The following CCDC171 variants were observed in gnomAD, a reference collection of about 807,000 sequenced individuals.
The protein encoded by CCDC171 is coiled-coil domain containing 171, also known as coiled-coil domain-containing protein 171.
CCDC171 carries 177 observed loss-of-function variants against 168.2 expected under a neutral mutation model. That is an observed-to-expected ratio of 1.05 (90% confidence interval 0.93 to 1.19). The LOEUF (loss-of-function observed/expected upper bound fraction) is 1.19. CCDC171 is among the 50% of genes most tolerant of loss of function. CCDC171 has a pLI of 0.00. For synonymous variants in CCDC171, 687 were observed against 540.8 expected, an observed-to-expected ratio of 1.27 and a Z score of -3.75; for missense variants, 1,991 against 1,539.0, an observed-to-expected ratio of 1.29 and a Z score of -4.91.
intron 24 of CCDC171, among the ~76,000 whole-genome samples, chr9:15,903,073 C>T (rs536312675): frequency 6.6e-6 from 1 of 152,348 alleles, no homozygotes; most frequent in Non-Finnish European, 1.5e-5. Context: ...CTCAAGGAAG[C>T]GTGCCTGCCT....
intron 23 of CCDC171, among the ~76,000 whole-genome samples, chr9:15,858,574 T>C (rs2061431693): frequency 6.6e-6 from 1 of 152,092 alleles, no homozygotes; most frequent in African/African-American, 2.4e-5. Context: ...TCATTTGTTG[T>C]ATTTTTAATT....
At chr9:15,785,310 T>A (rs1181371616) in intron 21 of CCDC171, among the ~76,000 whole-genome samples, 1 of 152,148 alleles carries the variant, frequency 6.6e-6, no homozygotes, top group Non-Finnish European at 1.5e-5. Context: ...GATTTTTCAC[T>A]AGTGAGATTA....
At chr9:15,915,568 A>G (rs1471457217) in intron 24 of CCDC171, among the ~76,000 whole-genome samples, 1 of 152,110 alleles carries the variant, frequency 6.6e-6, no homozygotes, top group Non-Finnish European at 1.5e-5. Context: ...GAGCAGGGAT[A>G]ATTTGACTTC....
At chr9:15,974,455 C>G (rs1371256576), downstream of CCDC171, among the ~76,000 whole-genome samples, 3 of 152,108 alleles carry the variant, frequency 2.0e-5, no homozygotes, top group Non-Finnish European at 4.4e-5. Flanking sequence ...ATAATGACTT[C>G]AAATATTTTT....
At chr9:16,078,087 C>G in the CCDC171 span, among the ~76,000 whole-genome samples, 2 of 131,270 alleles carry the variant, frequency 1.5e-5, no homozygotes, top group Non-Finnish European at 3.2e-5. Context: ...CACACACACA[C>G]ACACACACAC....
intron 9 of CCDC171, among the ~76,000 whole-genome samples, chr9:15,675,061 A>T (rs1261686948): frequency 6.6e-6 from 1 of 152,004 alleles, no homozygotes; most frequent in Non-Finnish European, 1.5e-5. Flanking sequence ...GGGCGAATAT[A>T]TATTTAGGAC....
intron 24 of CCDC171, among the ~76,000 whole-genome samples, chr9:15,905,475 G>A (rs952081698): frequency 7.2e-5 from 11 of 152,122 alleles, no homozygotes; most frequent in East Asian, 1.9e-4. Flanking sequence ...TGAAACCAAC[G>A]AGAACAAAGA....
At chr9:15,838,242 A>G (rs567878970) in intron 21 of CCDC171, among the ~76,000 whole-genome samples, 258 of 152,342 alleles carry the variant, frequency 1.7e-3, no homozygotes, top group Non-Finnish European at 2.1e-3. Context: ...GAAAACTATT[A>G]TAAGCCAGTT....
chr9:15,906,668 G>A lies in CCDC171; in HGVS notation c.3601-13602G>A, dbSNP rs1201361942. 1.3e-4 allele frequency among the ~76,000 whole-genome samples: 20 copies of A among 152,246 alleles called. No homozygotes were observed. In the South Asian group the frequency reaches 3.1e-3, roughly 24 times the overall value. On this transcript the variant is annotated intron_variant, in intron 24 of 25. Transcript: ENST00000380701. ...ATTCAACATAGTGTTGGAAGTTCTG[G>A]CCAGGGCAATCAGGCAGGAGAAGGA...
intron 14 of CCDC171, among the ~76,000 whole-genome samples, chr9:15,725,900 C>T (rs750268546): frequency 9.2e-5 from 14 of 152,132 alleles, no homozygotes; most frequent in Non-Finnish European, 1.8e-4. Context: ...GAGTTGCCTA[C>T]CCATTTATGT....
intron 11 of CCDC171, among the ~76,000 whole-genome samples, 186 bp downstream of exon 11, chr9:15,695,523 C>A (rs536601415): frequency 5.3e-5 from 8 of 152,248 alleles, no homozygotes; most frequent in African/African-American, 1.4e-4. Context: ...GGAATATGGA[C>A]CTGCTGTTGT....
chr9:15,927,329 G>C (rs1165775373), intron 25 of CCDC171, among the ~76,000 whole-genome samples: 1 of 151,556 alleles, frequency 6.6e-6, no homozygotes, highest in Non-Finnish European at 1.5e-5. Flanking sequence ...GAGCTTTTGA[G>C]TCCCATACAG....
intron 4 of CCDC171, among the ~76,000 whole-genome samples, chr9:15,579,664 A>T (rs747561468): frequency 6.6e-6 from 1 of 152,186 alleles, no homozygotes; most frequent in South Asian, 2.1e-4. Flanking sequence ...GATGACTACT[A>T]TACTGGTTTT....
At chr9:15,619,591 G>A (rs2044351172) in intron 6 of CCDC171, among the ~76,000 whole-genome samples, 1 of 152,158 alleles carries the variant, frequency 6.6e-6, no homozygotes, top group South Asian at 2.1e-4. Context: ...GACTTTTAGG[G>A]AAATAAGACT....
At chr9:16,095,754 C>T in the CCDC171 span, among the ~76,000 whole-genome samples, 1 of 151,798 alleles carries the variant, frequency 6.6e-6, no homozygotes, top group Non-Finnish European at 1.5e-5. Context: ...GGCTAAGGTA[C>T]TGAACTTCTC....
At chr9:15,778,832 T>C in intron 19 of CCDC171, 136 bp from the exon 20 acceptor site, 1 of 550,028 alleles carries the variant, frequency 1.8e-6, no homozygotes, top group East Asian at 3.4e-5. Flanking sequence ...AAATAAAGTT[T>C]TCACCTCTAC....
chr9:15,790,868 T>G (rs374563888), intron 21 of CCDC171, among the ~76,000 whole-genome samples: 6 of 152,192 alleles, frequency 3.9e-5, no homozygotes, highest in Non-Finnish European at 7.3e-5. Context: ...TTTCCCCATT[T>G]CTTGTTTTTG....
rs1027273260 is a variant in CCDC171 at position 15,678,760 on chromosome 9, T to C, written c.1079T>C (p.Leu360Ser). ...GCTCTGACACTTTAACTTTTCAGAT[T>C]AGAAAAAGAGTATTTCTCCAAAAAT... ...AQESFAKLNL[L>S]EKEYFSKNKK... Residue 360 changes from leucine (L) to serine (S), a missense_variant and splice_region_variant, in exon 10 of 26, where the codon TTA becomes TCA. By Grantham distance (145) the Leu-to-Ser change is moderately radical. Transcript: ENST00000380701. 8 of 1,580,156 alleles carry C rather than the reference T, an allele frequency of 5.1e-6. No individual in the cohort carries two copies. The highest frequency in any genetic ancestry group is 6.8e-6 in the Non-Finnish European group (8 of 1,170,800).
chr9:15,598,653 T>G (rs867294855), intron 6 of CCDC171, among the ~76,000 whole-genome samples: 111 of 152,318 alleles, frequency 7.3e-4, no homozygotes, highest in African/African-American at 2.4e-3. Context: ...GTTCTGTAGA[T>G]GTCTATTAGG....
Sources: allele counts gnomAD v4.1 joint callset (sites outside exome capture counted in the v4.1 genomes callset), GRCh38; gene constraint gnomAD v4.1.1; transcripts MANE v1.5; gene names NCBI Gene and HGNC (gene_info 2026-07-23, HGNC 2026-07-21).